Variants in ATF7IP observed in about 807,000 individuals in gnomAD.
ATF7IP encodes activating transcription factor 7 interacting protein, also known as activating transcription factor 7-interacting protein 1.
ATF7IP carries 23 observed loss-of-function variants against 106.4 expected under a neutral mutation model. That is an observed-to-expected ratio of 0.22 (90% CI 0.16 to 0.31). The LOEUF (loss-of-function observed/expected upper bound fraction) is 0.31, where lower values mean the gene tolerates loss of function less well. ATF7IP is among the 10% of genes least tolerant of loss of function. ATF7IP has a pLI of 1.00. For missense variants in ATF7IP, 1,334 were observed against 1,524.3 expected, an observed-to-expected ratio of 0.88 and a Z score of 2.08; for synonymous variants, 542 against 539.0, an observed-to-expected ratio of 1.01 and a Z score of -0.08.
Position 14,499,010 on chromosome 12 carries a change from T to A in ATF7IP, c.*937T>A, listed in dbSNP as rs1032279282. 4 of 152,228 alleles carry A rather than the reference T, an allele frequency of 2.6e-5. No individual in the cohort carries two copies. The highest frequency in any genetic ancestry group is 9.7e-5 in the African/African-American group (4 of 41,446). 9.4% of individuals were successfully genotyped at this position (152,228 alleles called of 1,614,324 possible). On this transcript the variant is annotated 3_prime_UTR_variant, in exon 15 of 15. Transcript: ENST00000261168. ...ACAGGCACCTGTCACCATGCCCGGCTAATTTTTGTATTTTTAGTAGAGATG... is the reference window on the plus strand; with the variant it reads ...ACAGGCACCTGTCACCATGCCCGGCAAATTTTTGTATTTTTAGTAGAGATG...
At chr12:14,405,603 G>C (rs1818338269) in intron 1 of ATF7IP, among the ~76,000 whole-genome samples, 2 of 151,522 alleles carry the variant, frequency 1.3e-5, no homozygotes, top group African/African-American at 4.8e-5. Flanking sequence ...TTTTTGTTGA[G>C]ACAGGGTCTC....
Position 14,423,991 on chromosome 12 carries a change from C to G in ATF7IP, c.76C>G (p.Leu26Val). The change falls in exon 2 of 15, where the codon CTT (leucine) becomes GTT (valine). Residue 26 changes from leucine to valine, a missense_variant. Leu to Val is a conservative substitution (Grantham distance 32, BLOSUM62 1). Coordinates refer to ENST00000261168, the MANE Select transcript of ATF7IP (RefSeq NM_018179.5). ...KTMRVSDRQQ[L>V]EAVYKVKEEL... ...GATGAGAGTGAGTGATCGTCAGCAA[C>G]TTGAAGCAGTGTACAAGGTCAAAGA... The G allele has an allele frequency of 6.2e-7, 1 of 1,614,074 alleles. No individual in the cohort carries two copies. The highest frequency in any genetic ancestry group is 8.5e-7 in the Non-Finnish European group (1 of 1,180,012).
chr12:14,365,878 T>G (rs1368033321), intron 1 of ATF7IP, 51 bp downstream of exon 1: 1 of 152,554 alleles, frequency 6.6e-6, no homozygotes, highest in African/African-American at 2.4e-5. Context: ...TAAATTACTA[T>G]TGTATTTCTG....
chr12:14,462,126 A>C (rs186449330), intron 9 of ATF7IP, among the ~76,000 whole-genome samples: 2 of 152,250 alleles, frequency 1.3e-5, no homozygotes, highest in African/African-American at 4.8e-5. Flanking sequence ...GAAGCTGGAT[A>C]TCACTCATCA....
At chr12:14,444,948 A>G (rs1942876184) in intron 5 of ATF7IP, among the ~76,000 whole-genome samples, 3 of 151,500 alleles carry the variant, frequency 2.0e-5, no homozygotes, top group South Asian at 4.2e-4. Context: ...AAATAGAATA[A>G]TAATATTATG....
At chr12:14,479,450 G>A (rs1944364265) in intron 12 of ATF7IP, among the ~76,000 whole-genome samples, 1 of 152,114 alleles carries the variant, frequency 6.6e-6, no homozygotes, top group South Asian at 2.1e-4. Flanking sequence ...ATTGCTTGAA[G>A]ATTTATCTGC....
chr12:14,438,083 T>C (rs369993625), intron 4 of ATF7IP, 47 bp from the exon 5 acceptor site: 17 of 1,582,464 alleles, frequency 1.1e-5, no homozygotes, highest in Non-Finnish European at 1.5e-5. Flanking sequence ...GTTTATTGCT[T>C]GCTGGAATGC....
intron 1 of ATF7IP, among the ~76,000 whole-genome samples, chr12:14,413,866 T>C (rs950825882): frequency 6.6e-6 from 1 of 152,194 alleles, no homozygotes; most frequent in Admixed American, 6.5e-5. Flanking sequence ...TCTTTGCATT[T>C]AGGAGTCAAG....
intron 1 of ATF7IP, among the ~76,000 whole-genome samples, chr12:14,421,956 A>G (rs1432933963): frequency 2.6e-5 from 4 of 152,184 alleles, no homozygotes; most frequent in Admixed American, 6.5e-5. Context: ...GTCATAGATG[A>G]AAGAAGAAAT....
intron 4 of ATF7IP, among the ~76,000 whole-genome samples, chr12:14,436,725 A>T (rs1048797855): frequency 6.6e-6 from 1 of 151,798 alleles, no homozygotes. Context: ...AAATAAGTCT[A>T]TTACTATCCT....
chr12:14,381,110 G>T (rs921873497), intron 1 of ATF7IP, among the ~76,000 whole-genome samples: 3 of 152,108 alleles, frequency 2.0e-5, no homozygotes, highest in African/African-American at 7.2e-5. Context: ...AAGGTGCTTG[G>T]TTCTTTTACT....
At chr12:14,420,768 G>A (rs1941467482) in intron 1 of ATF7IP, among the ~76,000 whole-genome samples, 1 of 152,220 alleles carries the variant, frequency 6.6e-6, no homozygotes, top group African/African-American at 2.4e-5. Flanking sequence ...GAACAGCATG[G>A]CTTAACTGTA....
intron 6 of ATF7IP, among the ~76,000 whole-genome samples, chr12:14,454,985 C>T (rs1348402108): frequency 6.6e-6 from 1 of 151,954 alleles, no homozygotes; most frequent in East Asian, 1.9e-4. Flanking sequence ...TCGAGACCAG[C>T]CTGGTCAACA....
At chr12:14,457,576 GGGTCATAGATAAGTA>G (rs1170517913) in intron 8 of ATF7IP, among the ~76,000 whole-genome samples, 1 of 151,986 alleles carries the variant, frequency 6.6e-6, no homozygotes, top group Non-Finnish European at 1.5e-5. Context: ...AAAAAATTTA[GGGTCATAGATAAGTA>G]TATGTGAAAA....
In ATF7IP at chr12:14,500,418, A is replaced by C. The variant is rs971969287; in HGVS notation, c.*2345A>C. ...TCAAATTTGCCAACCAATTATGTAG[A>C]TATTACTCATTCTAGGACTAATGAT... On this transcript the variant is annotated 3_prime_UTR_variant, in exon 15 of 15. Transcript: ENST00000261168. The C allele has an allele frequency of 1.2e-4, 19 of 152,210 alleles. No homozygotes were observed. The highest frequency in any genetic ancestry group is 4.3e-4 in the African/African-American group (18 of 41,446). 9.4% of individuals were successfully genotyped at this position (152,210 alleles called of 1,614,324 possible).
chr12:14,421,800 G>A (rs1407205525), intron 1 of ATF7IP, among the ~76,000 whole-genome samples: 1 of 152,010 alleles, frequency 6.6e-6, no homozygotes, highest in Non-Finnish European at 1.5e-5. Flanking sequence ...CACTCTGCTG[G>A]GCATGAAATA....
At chr12:14,376,945 C>G (rs925598704) in intron 1 of ATF7IP, among the ~76,000 whole-genome samples, 2 of 151,722 alleles carry the variant, frequency 1.3e-5, no homozygotes, top group Non-Finnish European at 2.9e-5. Flanking sequence ...AAAAAAGATG[C>G]AATTTTTGTT....
At chr12:14,451,995 C>A (rs1943220648) in intron 6 of ATF7IP, among the ~76,000 whole-genome samples, 1 of 151,816 alleles carries the variant, frequency 6.6e-6, no homozygotes, top group Non-Finnish European at 1.5e-5. Flanking sequence ...TCTGTTTCTC[C>A]CTTCCATTCT....
rs1384220490 is a variant in ATF7IP at position 14,424,265 on chromosome 12, T to A, written c.350T>A (p.Ile117Lys). The A allele has an allele frequency of 1.2e-6, 2 of 1,614,106 alleles. No homozygotes were observed. Among genetic ancestry groups the A allele is most frequent in the Non-Finnish European group, 1.7e-6 (2 of 1,180,050 alleles). Residue 117 changes from isoleucine to lysine, a missense_variant, in exon 2 of 15, where the codon ATA becomes AAA. Physicochemically the swap from Ile to Lys is moderately radical, Grantham distance 102. Coordinates refer to ENST00000261168, the MANE Select transcript of ATF7IP (RefSeq NM_018179.5). ...LNCEPLSPHN[I>K]TPEPVSKLPA... ...TGTGAACCTTTGTCTCCCCATAATA[T>A]AACTCCAGAACCAGTCTCTAAACTG...
Sources: allele counts gnomAD v4.1 joint callset (sites outside exome capture counted in the v4.1 genomes callset), GRCh38; gene constraint gnomAD v4.1.1; transcripts MANE v1.5; gene names NCBI Gene and HGNC (gene_info 2026-07-23, HGNC 2026-07-21).